The following OSBPL6 variants were observed in gnomAD, a reference collection of about 807,000 sequenced individuals.
OSBPL6 encodes the protein oxysterol-binding protein-related protein 6.
OSBPL6 carries 49 observed loss-of-function variants against 125.8 expected under a neutral mutation model. The ratio of observed to expected loss-of-function variants is 0.39; its 90% CI spans 0.31 to 0.49. OSBPL6 has a LOEUF of 0.49. OSBPL6 is among the 20% of genes least tolerant of loss of function. The pLI is 0.88. For missense variants in OSBPL6, 986 were observed against 1,135.4 expected, an observed-to-expected ratio of 0.87 and a Z score of 1.89; for synonymous variants, 394 against 391.8, an observed-to-expected ratio of 1.01 and a Z score of -0.07.
chr2:178,296,867 G>T (rs1431282867), intron 2 of OSBPL6, among the ~76,000 whole-genome samples: 1 of 152,160 alleles, frequency 6.6e-6, no homozygotes, highest in African/African-American at 2.4e-5. Context: ...ACTCATGCTC[G>T]AATGCCCAAC....
intron 14 of OSBPL6, among the ~76,000 whole-genome samples, chr2:178,372,798 T>G (rs1022904393): frequency 1.8e-4 from 27 of 152,152 alleles, no homozygotes; most frequent in Admixed American, 1.2e-3. Context: ...GTTATCTCAT[T>G]TGACACTCTC....
intron 1 of OSBPL6, among the ~76,000 whole-genome samples, chr2:178,195,429 G>A (rs2088829381): frequency 6.6e-6 from 1 of 152,248 alleles, no homozygotes; most frequent in Non-Finnish European, 1.5e-5. Context: ...GGATGCTGGG[G>A]GAGGAGGGAA....
intron 1 of OSBPL6, among the ~76,000 whole-genome samples, chr2:178,278,783 C>T (rs1203463193): frequency 6.6e-6 from 1 of 152,130 alleles, no homozygotes; most frequent in African/African-American, 2.4e-5. Flanking sequence ...AAATCAATTT[C>T]TTGTCTAAAC....
intron 1 of OSBPL6, among the ~76,000 whole-genome samples, chr2:178,227,168 CA>C (rs1343892432): frequency 6.6e-6 from 1 of 151,916 alleles, no homozygotes; most frequent in Non-Finnish European, 1.5e-5. Flanking sequence ...TTTACAGTTA[CA>C]AAAAAGGAAA....
Position 178,349,183 on chromosome 2 carries a change from T to G in OSBPL6, c.988-41T>G, listed in dbSNP as rs1221803232. ...TTCTATGTAGGAGAATGTGAAACAA[T>G]GCACTGTTGCTGTTTAATAATTTGT... On this transcript the variant is annotated intron_variant, in intron 11 of 24. Transcript: ENST00000190611. 4 of 1,588,366 alleles carry G rather than the reference T, an allele frequency of 2.5e-6. No individual in the cohort carries two copies. The African/African-American group carries it at 5.4e-5, about 21-fold the overall frequency.
At chr2:178,244,961 GGTAA>G (rs2091438032) in intron 1 of OSBPL6, among the ~76,000 whole-genome samples, 1 of 152,158 alleles carries the variant, frequency 6.6e-6, no homozygotes, top group Non-Finnish European at 1.5e-5. Context: ...TTGATTGAAT[GGTAA>G]GTGAGGCTGT....
Position 178,349,332 on chromosome 2 carries a change from G to C in OSBPL6, c.1096G>C (p.Glu366Gln), listed in dbSNP as rs1480091812. 1.2e-6 allele frequency: 2 copies of C among 1,614,134 alleles called. No individual in the cohort carries two copies. Among genetic ancestry groups the C allele is most frequent in the Middle Eastern group, 1.6e-4 (1 of 6,062 alleles). Residue 366 changes from glutamate (E) to glutamine (Q), a missense_variant, in exon 12 of 25, where the codon GAA (glutamate) becomes CAA (glutamine). Around this residue, in one of 3 missense-constraint regions of OSBPL6, gnomAD observed 843 missense variants for 997.3 expected, o/e 0.85. Transcript: ENST00000190611. ...CCCTAGCCACCTCACTGACCCTCTG[G>C]AAAGTTCAACAGATTATACAAAGCT... ...TPPSHLTDPL[E>Q]SSTDYTKLQE...
chr2:178,363,722 T>G (rs1442737189), intron 13 of OSBPL6, among the ~76,000 whole-genome samples: 1 of 152,164 alleles, frequency 6.6e-6, no homozygotes, highest in Non-Finnish European at 1.5e-5. Flanking sequence ...TTAACATATT[T>G]CCCTCTCTTG....
chr2:178,278,343 A>G (rs559735741), intron 1 of OSBPL6, among the ~76,000 whole-genome samples: 1 of 152,278 alleles, frequency 6.6e-6, no homozygotes, highest in South Asian at 2.1e-4. Flanking sequence ...TAAATTTCTT[A>G]AGGGCAAGAG....
intron 9 of OSBPL6, among the ~76,000 whole-genome samples, chr2:178,337,169 G>A (rs1689760314): frequency 6.6e-6 from 1 of 152,060 alleles, no homozygotes; most frequent in African/African-American, 2.4e-5. Flanking sequence ...AGAAAAACAA[G>A]GGCAATGCAG....
At chr2:178,227,251 A>G (rs1235260545) in intron 1 of OSBPL6, among the ~76,000 whole-genome samples, 1 of 152,244 alleles carries the variant, frequency 6.6e-6, no homozygotes, top group East Asian at 1.9e-4. Context: ...AGTCACTGCC[A>G]TAAAGATGCC....
intron 13 of OSBPL6, among the ~76,000 whole-genome samples, chr2:178,362,651 C>A (rs768864579): frequency 2.6e-5 from 4 of 152,176 alleles, no homozygotes; most frequent in Non-Finnish European, 5.9e-5. Flanking sequence ...CCGCGTGGAG[C>A]AGATCCTGCT....
In OSBPL6 at chr2:178,391,063, G is replaced by T; in HGVS notation, c.2302-10G>T. 6.2e-7 allele frequency: 1 copy of T among 1,612,930 alleles called. No individual in the cohort carries two copies. Among genetic ancestry groups the T allele is most frequent in the South Asian group, 1.1e-5 (1 of 90,752 alleles). On this transcript the variant is annotated splice_polypyrimidine_tract_variant and intron_variant, in intron 21 of 24. Transcript: ENST00000190611. ...CATCAAATGTCACAATTGGGGTTTG[G>T]TTTTTCCAGGTGAATTATTGGAATT...
intron 2 of OSBPL6, among the ~76,000 whole-genome samples, chr2:178,300,374 T>G (rs1686168841): frequency 1.3e-5 from 2 of 152,236 alleles, no homozygotes; most frequent in African/African-American, 4.8e-5. Context: ...AGGGTCACTC[T>G]CAGGGTGTGC....
chr2:178,400,139 A>G lies in OSBPL6; in HGVS notation c.*4580A>G, dbSNP rs1205612688. 1 of 151,290 alleles carries G rather than the reference A, an allele frequency of 6.6e-6. No individual in the cohort carries two copies. Among genetic ancestry groups the G allele is most frequent in the East Asian group, 2.0e-4 (1 of 5,058 alleles). 9.4% of individuals were successfully genotyped at this position (151,290 alleles called of 1,614,324 possible). A position where few individuals can be genotyped will look rare whatever the true frequency, so the allele number is the denominator to read the frequency against. On this transcript the variant is annotated 3_prime_UTR_variant, in exon 25 of 25. Transcript: ENST00000190611. The stretch of plus-strand genomic sequence containing the variant: ...CAATTGAACTTCTTAATACTGTTAG[A>G]GAATATGCTAGAACTATTACTTCTT...
intron 1 of OSBPL6, among the ~76,000 whole-genome samples, chr2:178,229,961 C>T (rs1240212790): frequency 6.6e-6 from 1 of 152,234 alleles, no homozygotes; most frequent in African/African-American, 2.4e-5. Flanking sequence ...TTGAGAACCA[C>T]TTAGTCTATC....
rs149136477 is a variant in OSBPL6, at chr2:178,219,452, A to G, written c.-351+24778A>G. ...TATCTGGCCTAAGGGTATTAGTTCCATAACAATTGGGTTTGGAGATAGCAC... is the reference window on the plus strand; with the variant it reads ...TATCTGGCCTAAGGGTATTAGTTCCGTAACAATTGGGTTTGGAGATAGCAC... On this transcript the variant is annotated intron_variant, in intron 1 of 24. Coordinates refer to ENST00000190611, the MANE Select transcript of OSBPL6 (RefSeq NM_032523.4). 3.0e-3 allele frequency among the ~76,000 whole-genome samples: 454 copies of G among 152,312 alleles called. 2 individuals are homozygous for G. The highest frequency in any genetic ancestry group is 0.013 in the South Asian group (62 of 4,824).
chr2:178,357,985 C>G (rs1691968568), intron 12 of OSBPL6, among the ~76,000 whole-genome samples: 1 of 152,170 alleles, frequency 6.6e-6, no homozygotes, highest in African/African-American at 2.4e-5. Context: ...ATCACAAAGA[C>G]AGAAAACCAT....
chr2:178,389,000 C>A lies in OSBPL6; in HGVS notation c.2157-9C>A, dbSNP rs369513799. On this transcript the variant is annotated splice_polypyrimidine_tract_variant and intron_variant, in intron 20 of 24. Transcript: ENST00000190611. The stretch of plus-strand genomic sequence containing the variant: ...GGTTGTTTTTCATCAGTGTTACATT[C>A]TTCACTAGGTATGGAGATTACTATG... The A allele has an allele frequency of 1.7e-4, 272 of 1,612,696 alleles. No homozygotes were observed. Among genetic ancestry groups the A allele is most frequent in the Non-Finnish European group, 2.3e-4 (269 of 1,179,570 alleles).
Sources: gnomAD v4.1 joint callset for allele counts (sites outside exome capture counted in the v4.1 genomes callset) on GRCh38, gnomAD v4.1.1 for gene constraint, gnomAD v4.1.1 regional missense constraint, MANE v1.5 for transcripts, NCBI Gene and HGNC (gene_info 2026-07-23, HGNC 2026-07-21) for gene names.